The following SETD3 variants were observed in gnomAD, a reference collection of about 807,000 sequenced individuals.
The protein encoded by SETD3 is actin-histidine N-methyltransferase.
In SETD3, 19 loss-of-function variants were observed where a neutral mutation model predicts 63.0. The observed-to-expected ratio is 0.30, with a 90% CI of 0.21 to 0.44. SETD3 has a LOEUF of 0.44. Among genes scored for constraint, SETD3 ranks in the 20% least tolerant of loss-of-function variants. The pLI, the probability that SETD3 is intolerant of heterozygous loss-of-function variation, is 1.00. For missense variants in SETD3, 587 were observed against 728.5 expected (o/e 0.81, Z 2.24); for synonymous variants, 286 against 264.1 (o/e 1.08, Z -0.80).
intron 8 of SETD3, chr14:99,410,044 G>A: frequency 3.3e-6 from 2 of 611,924 alleles, no homozygotes; most frequent in Non-Finnish European, 2.9e-6. Context: ...ACAATAGAGG[G>A]AAATGTAACA....
upstream of SETD3, among the ~76,000 whole-genome samples, chr14:99,483,669 A>G (rs1416029915): frequency 6.6e-6 from 1 of 152,256 alleles, no homozygotes; most frequent in African/African-American, 2.4e-5. Flanking sequence ...GTCTTCCAAC[A>G]AGATTCTAAT....
chr14:99,398,629 T>A lies in SETD3; in HGVS notation c.*50A>T. Reference sequence around the variant, plus strand: ...AGGAAACACAGCGATGTGAACGGACTGTCCGTCAACTCCTGCTCCACTGGA... The same window carrying A: ...AGGAAACACAGCGATGTGAACGGACAGTCCGTCAACTCCTGCTCCACTGGA... On this transcript the variant is annotated 3_prime_UTR_variant, in exon 13 of 13. Transcript: ENST00000331768. 3.3e-6 allele frequency: 5 copies of A among 1,520,986 alleles called. No individual in the cohort carries two copies. Among genetic ancestry groups the A allele is most frequent in the Non-Finnish European group, 4.5e-6 (5 of 1,105,942 alleles). 94.2% of individuals were successfully genotyped at this position (1,520,986 alleles called of 1,614,324 possible).
chr14:99,413,972 A>G (rs995721278), intron 6 of SETD3, 38 bp from the exon 7 acceptor site: 3 of 1,564,186 alleles, frequency 1.9e-6, no homozygotes, highest in Admixed American at 3.3e-5. Flanking sequence ...AGGTGAAAAG[A>G]GAAAAAGGGA....
chr14:99,480,309 G>T (rs995558216), intron 1 of SETD3, among the ~76,000 whole-genome samples: 1 of 152,074 alleles, frequency 6.6e-6, no homozygotes, highest in African/African-American at 2.4e-5. Flanking sequence ...CTAGCGCGAG[G>T]GGCCCGGGCC....
chr14:99,440,617 G>T (rs1893749713), intron 6 of SETD3, among the ~76,000 whole-genome samples: 1 of 152,058 alleles, frequency 6.6e-6, no homozygotes. Context: ...GTGGCAATGG[G>T]AGCTTGTGCG....
At chr14:99,474,492 T>G (rs1475419979) in intron 1 of SETD3, among the ~76,000 whole-genome samples, 1 of 152,194 alleles carries the variant, frequency 6.6e-6, no homozygotes, top group Non-Finnish European at 1.5e-5. Context: ...CAAATAAAAT[T>G]TTAATTTGAT....
At chr14:99,484,264 C>T (rs368202834), upstream of SETD3, among the ~76,000 whole-genome samples, 42 of 152,358 alleles carry the variant, frequency 2.8e-4, no homozygotes, top group African/African-American at 9.6e-4. Flanking sequence ...TCCATTTTCT[C>T]AGTGATAAAT....
At chr14:99,463,333 T>C (rs1406272279) in intron 3 of SETD3, among the ~76,000 whole-genome samples, 153 bp downstream of exon 3, 1 of 152,228 alleles carries the variant, frequency 6.6e-6, no homozygotes, top group Non-Finnish European at 1.5e-5. Context: ...GAAATCCCGC[T>C]AACTGCTCTC....
In SETD3 at chr14:99,400,240, C is replaced by A; in HGVS notation, c.1197G>T (p.Leu399Phe). 6.2e-7 allele frequency: 1 copy of A among 1,611,956 alleles called. No individual in the cohort carries two copies. ...CMTEEELKEH[L>F]LGDSAIDRIF... ...TTCTATCAATAGCGCTGTCTCCCAG[C>A]AAGTGTTCTTTCAGTTCTTCTACAA... Residue 399 changes from leucine (L) to phenylalanine (F), a missense_variant, in exon 12 of 13, where the codon TTG becomes TTT. Physicochemically the swap from Leu to Phe is conservative, Grantham distance 22. Transcript: ENST00000331768.
Position 99,479,384 on chromosome 14 carries a change from T to A in SETD3, c.-9+1344A>T, listed in dbSNP as rs1313775396. Among the ~76,000 whole-genome samples, 8 of 152,358 alleles carry A rather than the reference T, an allele frequency of 5.3e-5. No individual in the cohort carries two copies. The East Asian group carries it at 1.5e-3, about 29-fold the overall frequency. The stretch of plus-strand genomic sequence containing the variant: ...GCCCTTGGGACTAATCCAGTACTGC[T>A]GGACTTTCACGCATGGTAGCCCGTA... On this transcript the variant is annotated intron_variant, in intron 1 of 12. Transcript: ENST00000331768.
chr14:99,469,737 C>T (rs183110340), intron 1 of SETD3, among the ~76,000 whole-genome samples: 56 of 152,148 alleles, frequency 3.7e-4, no homozygotes, highest in African/African-American at 1.3e-3. Context: ...CAGAGGGAGA[C>T]CCTGACTAAA....
At chr14:99,420,112 G>C (rs960409628) in intron 6 of SETD3, among the ~76,000 whole-genome samples, 1 of 152,108 alleles carries the variant, frequency 6.6e-6, no homozygotes, top group South Asian at 2.1e-4. Flanking sequence ...CTCTTCTTCC[G>C]GGCCACCTTC....
At chr14:99,467,424 C>T (rs555262914) in intron 1 of SETD3, among the ~76,000 whole-genome samples, 88 of 152,364 alleles carry the variant, frequency 5.8e-4, no homozygotes, top group Non-Finnish European at 1.0e-3. Flanking sequence ...TTCTGGCTCA[C>T]AGCCAAGAGC....
At chr14:99,413,160 C>A (rs1355537009) in intron 7 of SETD3, 95 bp from the exon 8 acceptor site, 1 of 667,448 alleles carries the variant, frequency 1.5e-6, no homozygotes. Flanking sequence ...TGATCTCTTA[C>A]AAACGTACAA....
rs534129207 is a variant in SETD3 at position 99,456,594 on chromosome 14, G to A, written c.675+1685C>T. Among the ~76,000 whole-genome samples the A allele has an allele frequency of 4.6e-5, 7 of 152,196 alleles. No homozygotes were observed. In the East Asian group the frequency reaches 9.6e-4, roughly 21 times the overall value. ...TTCCTGAGATGTTTACAATGACACC[G>A]TTTATTACATAGAAGGTGGTATAAT... On this transcript the variant is annotated intron_variant, in intron 6 of 12. Transcript: ENST00000331768.
intron 6 of SETD3, among the ~76,000 whole-genome samples, chr14:99,442,821 T>C (rs748896936): frequency 5.3e-5 from 8 of 152,194 alleles, no homozygotes; most frequent in Non-Finnish European, 1.0e-4. Flanking sequence ...GGGGTCAGCA[T>C]CACTGCCCCC....
chr14:99,433,171 G>C (rs563937327), intron 6 of SETD3, among the ~76,000 whole-genome samples: 32 of 151,846 alleles, frequency 2.1e-4, no homozygotes, highest in African/African-American at 7.5e-4. Context: ...CTGTTTGGGG[G>C]GATTAAAAAT....
In SETD3 at chr14:99,450,874, C is replaced by T. The variant is rs540226591; in HGVS notation, c.675+7405G>A. On this transcript the variant is annotated intron_variant, in intron 6 of 12. Transcript: ENST00000331768. ...TGTATGCCTGCATTTACTTAAAAAG[C>T]ATTACATTCAATCTCAACAACATAG... 5.3e-5 allele frequency among the ~76,000 whole-genome samples: 8 copies of T among 152,278 alleles called. No individual in the cohort carries two copies. In the East Asian group the frequency reaches 1.5e-3, roughly 29 times the overall value.
Position 99,398,810 on chromosome 14 carries a change from G to GC in SETD3, c.1653dup (p.Leu552AlafsTer5), listed in dbSNP as rs1353726092. On this transcript the variant is annotated frameshift_variant, in exon 13 of 13. Coordinates refer to ENST00000331768, the MANE Select transcript of SETD3 (RefSeq NM_032233.3). LOFTEE classifies it low-confidence loss of function (END_TRUNC). ...GGGATAGAGTTTTCACCGTTTACAA[G>GC]CCCGTTTTCTGTGGCCTTTGCTTTG... 13 of 1,614,090 alleles carry GC rather than the reference G, an allele frequency of 8.1e-6. No individual in the cohort carries two copies. Among genetic ancestry groups the GC allele is most frequent in the Non-Finnish European group, 1.0e-5 (12 of 1,180,056 alleles).
Sources: gnomAD v4.1 joint callset for allele counts (sites outside exome capture counted in the v4.1 genomes callset) on GRCh38, gnomAD v4.1.1 for gene constraint, MANE v1.5 for transcripts, NCBI Gene and HGNC (gene_info 2026-07-23, HGNC 2026-07-21) for gene names.